Variants in NTRK3 observed in about 807,000 individuals in gnomAD.
The protein encoded by NTRK3 is neurotrophic receptor tyrosine kinase 3.
A neutral mutation model predicts 91.7 loss-of-function variants in NTRK3; 24 were observed. The observed-to-expected ratio is 0.26, with a 90% CI of 0.19 to 0.37. The LOEUF is 0.37. Ranked by LOEUF, NTRK3 falls within the 10% of genes least tolerant of loss-of-function variation. The probability of loss-of-function intolerance (pLI) is 1.00; values close to 1 mark genes in which losing one functional copy is unlikely to be tolerated. For synonymous variants in NTRK3, 483 were observed against 404.0 expected (o/e 1.20, Z -2.34); for missense variants, 880 against 1,068.9 (o/e 0.82, Z 2.46).
chr15:88,093,166 T>G (rs1433348378), intron 13 of NTRK3, among the ~76,000 whole-genome samples: 1 of 152,030 alleles, frequency 6.6e-6, no homozygotes, highest in Non-Finnish European at 1.5e-5. Flanking sequence ...AACATGAATT[T>G]TTTTCCCTTA....
At chr15:88,118,815 G>C (rs543333372) in intron 13 of NTRK3, among the ~76,000 whole-genome samples, 55 of 152,276 alleles carry the variant, frequency 3.6e-4, no homozygotes, top group African/African-American at 1.2e-3. Flanking sequence ...ACTGGGTAAG[G>C]TATCGCGGGG....
chr15:88,128,913 G>C (rs887804262), intron 10 of NTRK3, among the ~76,000 whole-genome samples, 179 bp from the exon 11 acceptor site: 2 of 152,164 alleles, frequency 1.3e-5, no homozygotes, highest in East Asian at 3.8e-4. Flanking sequence ...ACCAGTTTAG[G>C]GGGTGGTCCT....
chr15:88,048,237 C>G (rs1367022178), intron 13 of NTRK3, among the ~76,000 whole-genome samples: 1 of 152,186 alleles, frequency 6.6e-6, no homozygotes, highest in African/African-American at 2.4e-5. Flanking sequence ...AGCTAAACCA[C>G]TTGTCCTCTG....
At chr15:88,236,204 G>T (rs1001355393) in intron 3 of NTRK3, among the ~76,000 whole-genome samples, 23 of 152,068 alleles carry the variant, frequency 1.5e-4, no homozygotes, top group Admixed American at 1.2e-3. Context: ...AAAAACAAGA[G>T]AACAGATAAA....
In NTRK3 at chr15:88,237,744, C is replaced by T. The variant is rs181453337; in HGVS notation, c.248+18162G>A. Among the ~76,000 whole-genome samples, 3 of 151,842 alleles carry T rather than the reference C, an allele frequency of 2.0e-5. No homozygotes were observed. The highest frequency in any genetic ancestry group is 2.1e-4 in the South Asian group (1 of 4,800). ...CGACTAAGCAGACACTTTGGGCATT[C>T]GCAACAAGACACACCAAAATAAAAT... On this transcript the variant is annotated intron_variant, in intron 3 of 18. Coordinates refer to ENST00000394480, the Ensembl canonical transcript of NTRK3. The surrounding 1 kb of genome is among the most constrained non-coding windows in gnomAD (Gnocchi z 4.0).
At chr15:88,209,798 G>T in intron 3 of NTRK3, among the ~76,000 whole-genome samples, 1 of 152,194 alleles carries the variant, frequency 6.6e-6, no homozygotes, top group East Asian at 1.9e-4. Context: ...GCCTTCCATT[G>T]GCCAAACCCA....
At chr15:88,179,485 G>A (rs2046277559) in intron 5 of NTRK3, among the ~76,000 whole-genome samples, 1 of 152,108 alleles carries the variant, frequency 6.6e-6, no homozygotes, top group Non-Finnish European at 1.5e-5. Context: ...GATAATGTAT[G>A]GAAAAGCACT....
intron 14 of NTRK3, among the ~76,000 whole-genome samples, chr15:87,958,555 T>C (rs1020547363): frequency 2.6e-5 from 4 of 151,976 alleles, no homozygotes; most frequent in African/African-American, 9.7e-5. Context: ...AGCATTCCCA[T>C]TCACTCAACG....
chr15:88,197,258 G>A (rs2047921020), intron 3 of NTRK3, among the ~76,000 whole-genome samples: 1 of 152,040 alleles, frequency 6.6e-6, no homozygotes, highest in Non-Finnish European at 1.5e-5. Context: ...AGTCCCATCA[G>A]TCCCTCCTTC....
At chr15:88,055,147 G>T (rs2045570832) in intron 13 of NTRK3, among the ~76,000 whole-genome samples, 1 of 152,170 alleles carries the variant, frequency 6.6e-6, no homozygotes, top group South Asian at 2.1e-4. Context: ...CAGGCCCTGT[G>T]GTAGACCCCC....
At chr15:88,219,453 G>A (rs751950983) in intron 3 of NTRK3, among the ~76,000 whole-genome samples, 1 of 152,242 alleles carries the variant, frequency 6.6e-6, no homozygotes, top group Non-Finnish European at 1.5e-5. Context: ...GGACCCTTGG[G>A]GCAGAAGGCT....
intron 13 of NTRK3, among the ~76,000 whole-genome samples, chr15:88,044,597 C>G (rs575518785): frequency 1.0e-3 from 147 of 145,522 alleles, no homozygotes; most frequent in African/African-American, 3.5e-3. Flanking sequence ...ACCACCTCAA[C>G]CTACATAATC....
intron 5 of NTRK3, among the ~76,000 whole-genome samples, chr15:88,174,557 G>A (rs1238012872): frequency 6.6e-6 from 1 of 152,122 alleles, no homozygotes; most frequent in Non-Finnish European, 1.5e-5. Context: ...TCCAAATGCT[G>A]TTCCCTTGGC....
intron 15 of NTRK3, among the ~76,000 whole-genome samples, chr15:87,937,463 A>G (rs545088106): frequency 3.3e-5 from 5 of 152,290 alleles, no homozygotes; most frequent in African/African-American, 1.2e-4. Flanking sequence ...CTGCACTCAG[A>G]TTGTTTCACA....
intron 17 of NTRK3, among the ~76,000 whole-genome samples, chr15:87,890,413 G>A (rs1381648532): frequency 6.6e-6 from 1 of 152,010 alleles, no homozygotes; most frequent in Non-Finnish European, 1.5e-5. Context: ...TCAGCTATTT[G>A]GCTACACTGG....
intron 17 of NTRK3, among the ~76,000 whole-genome samples, chr15:87,901,767 G>T (rs539037300): frequency 6.6e-5 from 10 of 151,466 alleles, no homozygotes; most frequent in South Asian, 2.1e-4. Context: ...GTTGGGGAGG[G>T]GGGGAGAGGG....
chr15:88,177,088 T>C (rs1010591597), intron 5 of NTRK3, among the ~76,000 whole-genome samples: 3 of 152,032 alleles, frequency 2.0e-5, no homozygotes, highest in Non-Finnish European at 4.4e-5. Context: ...CTTGGCACAT[T>C]TAAGGGACTG....
rs985684540 is a variant in NTRK3 at position 87,908,521 on chromosome 15, G to A, written c.2133+20670C>T. On this transcript the variant is annotated intron_variant, in intron 17 of 18. Coordinates refer to ENST00000394480, the Ensembl canonical transcript of NTRK3. ...GCTGCCGTTGCTGCTAGCCTCTGCC[G>A]CTGCCACACCACACTGAACGGGCCC... is the stretch of plus-strand genomic sequence containing the variant. 9.3e-5 allele frequency: 37 copies of A among 399,514 alleles called. 1 individual carries two copies. Among genetic ancestry groups the A allele is most frequent in the Middle Eastern group, 6.1e-4 (1 of 1,630 alleles). The allele number at this position is 399,514 out of a possible 1,614,324, so 24.7% of individuals were successfully genotyped here.
At chr15:88,057,490 T>C (rs527668104) in intron 13 of NTRK3, among the ~76,000 whole-genome samples, 2 of 142,192 alleles carry the variant, frequency 1.4e-5, no homozygotes, top group East Asian at 4.2e-4. Flanking sequence ...AGAGCGAGAC[T>C]CCCTCTAAAA....
Sources: gnomAD v4.1 joint callset for allele counts (sites outside exome capture counted in the v4.1 genomes callset) on GRCh38, gnomAD v4.1.1 for gene constraint, Gnocchi (gnomAD v3.1) non-coding constraint, MANE v1.5 for transcripts, NCBI Gene and HGNC (gene_info 2026-07-23, HGNC 2026-07-21) for gene names.